Variants in NUGGC observed in about 807,000 individuals in gnomAD.
NUGGC encodes the protein nuclear GTPase SLIP-GC.
NUGGC carries 58 observed loss-of-function variants against 92.6 expected under a neutral mutation model. The ratio of observed to expected loss-of-function variants is 0.63; its 90% confidence interval spans 0.51 to 0.78. The LOEUF (loss-of-function observed/expected upper bound fraction) is 0.78, where lower values mean the gene tolerates loss of function less well. Ranked by LOEUF, NUGGC falls within the 30% of genes least tolerant of loss-of-function variation. The pLI is 0.00. For synonymous variants in NUGGC, 376 were observed against 366.4 expected (o/e 1.03, Z -0.30); for missense variants, 925 against 964.6 (o/e 0.96, Z 0.54).
At chr8:28,025,689 A>G (rs573813564) in intron 18 of NUGGC, among the ~76,000 whole-genome samples, 1 of 152,308 alleles carries the variant, frequency 6.6e-6, no homozygotes, top group Non-Finnish European at 1.5e-5. Context: ...GGTCATAAAG[A>G]TTCCCAGAGA....
chr8:28,023,171 G>A lies in NUGGC; in HGVS notation c.*146C>T, dbSNP rs184541812. The A allele has an allele frequency of 4.3e-5, 36 of 836,932 alleles. No individual in the cohort carries two copies. In the Admixed American group the frequency reaches 5.4e-4, roughly 13 times the overall value. The allele number at this position is 836,932 out of a possible 1,614,324, so 51.8% of individuals were successfully genotyped here. A position where few individuals can be genotyped will look rare whatever the true frequency, so the allele number is the denominator to read the frequency against. ...GAGGATCGCTTGAGCCTAGGAGTTC[G>A]AGGCTGCAGTGAGCTGTGATGGTGC... On this transcript the variant is annotated 3_prime_UTR_variant, in exon 19 of 19. Transcript: ENST00000413272.
intron 10 of NUGGC, among the ~76,000 whole-genome samples, chr8:28,053,792 C>T (rs1031594020): frequency 3.9e-5 from 6 of 152,182 alleles, no homozygotes; most frequent in African/African-American, 1.4e-4. Context: ...TCATACAATG[C>T]ATATTTATTT....
intron 18 of NUGGC, among the ~76,000 whole-genome samples, chr8:28,024,611 G>C (rs1390243987): frequency 6.6e-6 from 1 of 152,210 alleles, no homozygotes; most frequent in Non-Finnish European, 1.5e-5. Flanking sequence ...TTCAGACTGA[G>C]CCCTGAATGC....
chr8:28,079,997 T>C (rs1305705018), intron 1 of NUGGC, among the ~76,000 whole-genome samples: 1 of 152,180 alleles, frequency 6.6e-6, no homozygotes, highest in African/African-American at 2.4e-5. Context: ...TGGAGTGCAG[T>C]GGCACATGAT....
intron 7 of NUGGC, among the ~76,000 whole-genome samples, chr8:28,061,679 T>C (rs112852897): frequency 3.2e-4 from 48 of 152,328 alleles, no homozygotes; most frequent in African/African-American, 1.2e-3. Flanking sequence ...CTAATGATGG[T>C]TATGATTCCA....
rs200589338 is a variant in NUGGC, at chr8:28,047,508, C to T, written c.1311G>A (p.Thr437=). Residue 437 remains threonine, a splice_region_variant and synonymous_variant, in exon 11 of 19, where the codon ACG becomes ACA. Coordinates refer to ENST00000413272, the MANE Select transcript of NUGGC (RefSeq NM_001010906.2). ...WQQALLTEEE[T]EIPKLREYIR... The stretch of plus-strand genomic sequence containing the variant: ...GGAGATTTAAAAAACATAAATTACC[C>T]GTTTCCTCCTCGGTGAGGAGAGCCT... 3.3e-6 allele frequency: 5 copies of T among 1,529,110 alleles called. No homozygotes were observed. The highest frequency in any genetic ancestry group is 2.7e-5 in the African/African-American group (2 of 72,770). The allele number at this position is 1,529,110 out of a possible 1,614,324, so 94.7% of individuals were successfully genotyped here.
intron 1 of NUGGC, among the ~76,000 whole-genome samples, chr8:28,080,226 G>A (rs539466379): frequency 6.6e-6 from 1 of 152,182 alleles, no homozygotes; most frequent in South Asian, 2.1e-4. Flanking sequence ...ACAGGCATGA[G>A]CCACCATGCC....
At position 28,059,002 on chromosome 8, in the gene NUGGC, C is replaced by T. The variant is rs559438463; in HGVS notation, c.1098-726G>A. Reference sequence around the variant, plus strand: ...TACAGGTGTGAGCCACCACACTCAGCCTAATTGTGTTAATTTTAGTGTTGG... The same window carrying T: ...TACAGGTGTGAGCCACCACACTCAGTCTAATTGTGTTAATTTTAGTGTTGG... On this transcript the variant is annotated intron_variant, in intron 8 of 18. Coordinates refer to ENST00000413272, the MANE Select transcript of NUGGC (RefSeq NM_001010906.2). 5.9e-5 allele frequency among the ~76,000 whole-genome samples: 9 copies of T among 152,144 alleles called. No individual in the cohort carries two copies. The East Asian group carries it at 7.7e-4, about 13-fold the overall frequency.
At chr8:28,028,731 G>T (rs1191618489) in intron 17 of NUGGC, among the ~76,000 whole-genome samples, 1 of 152,248 alleles carries the variant, frequency 6.6e-6, no homozygotes, top group Non-Finnish European at 1.5e-5. Context: ...TTCGGGGGTA[G>T]ATAAAATTAA....
At position 28,060,552 on chromosome 8, in the gene NUGGC, AC is replaced by A; in HGVS notation, c.970del (p.Val324PhefsTer11). On this transcript the variant is annotated frameshift_variant, in exon 8 of 19. Transcript: ENST00000413272. LOFTEE classifies it high-confidence loss of function. ...VIWVISDIER[V>X]SGGQAHEDLL... is the part of the protein sequence containing the mutation. ...GTCTTCGTGGGCTTGCCCCCCAGAA[AC>A]TCGCTCTATGTCGCTGATCACCCAG... The A allele has an allele frequency of 2.5e-6, 4 of 1,613,392 alleles. No homozygotes were observed. The highest frequency in any genetic ancestry group is 3.4e-6 in the Non-Finnish European group (4 of 1,179,734).
In NUGGC at chr8:28,060,511, T is replaced by G; in HGVS notation, c.1012A>C (p.Ile338Leu). 6.2e-7 allele frequency: 1 copy of G among 1,613,922 alleles called. No individual in the cohort carries two copies. The highest frequency in any genetic ancestry group is 1.1e-5 in the South Asian group (1 of 91,062). ...CAGAAGCCCCGCTGGCAGGCTTTGA[T>G]GCTCTCATTCAGAAGGTCTTCGTGG... is the stretch of plus-strand genomic sequence containing the variant. ...QAHEDLLNES[I>L]KACQRGFCRD... The change falls in exon 8 of 19, where the codon ATC becomes CTC. Residue 338 changes from isoleucine (I) to leucine (L), a missense_variant. Transcript: ENST00000413272.
In NUGGC at chr8:28,031,258, A is replaced by G. The variant is rs1554484396; in HGVS notation, c.1893T>C (p.Asn631=). The G allele has an allele frequency of 6.2e-7, 1 of 1,613,504 alleles. No homozygotes were observed. The highest frequency in any genetic ancestry group is 8.5e-7 in the Non-Finnish European group (1 of 1,179,548). ...AGGAACGTACCTCCTGGATCAGGAA[A>G]TTTTTTTTGCAGCTATCATATTTCC... ...SGWKYDSCKK[N]FLIQEISAIL... Residue 631 remains asparagine (N), a synonymous_variant, in exon 15 of 19, where the codon AAT becomes AAC. Coordinates refer to ENST00000413272, the MANE Select transcript of NUGGC (RefSeq NM_001010906.2).
intron 7 of NUGGC, among the ~76,000 whole-genome samples, chr8:28,062,924 A>G (rs1255288468): frequency 6.6e-6 from 1 of 152,196 alleles, no homozygotes; most frequent in Non-Finnish European, 1.5e-5. Context: ...GCATTTCGAT[A>G]AAACCTGAAC....
Position 28,070,145 on chromosome 8 carries a change from T to C in NUGGC, c.148+107A>G, listed in dbSNP as rs1035377006. ...CCCTCTCTTTCCAAAACAGGTTTATTTGATGTTTCATCCAGCTTCAGAATT... is the reference window on the plus strand; with the variant it reads ...CCCTCTCTTTCCAAAACAGGTTTATCTGATGTTTCATCCAGCTTCAGAATT... On this transcript the variant is annotated intron_variant, in intron 3 of 18. Transcript: ENST00000413272. 39 of 1,462,836 alleles carry C rather than the reference T, an allele frequency of 2.7e-5. 2 individuals carry two copies. The African/African-American group carries it at 4.6e-4, about 17-fold the overall frequency. The allele number at this position is 1,462,836 out of a possible 1,614,324, so 90.6% of individuals were successfully genotyped here.
intron 18 of NUGGC, among the ~76,000 whole-genome samples, chr8:28,025,535 G>A: frequency 6.6e-6 from 1 of 152,182 alleles, no homozygotes; most frequent in East Asian, 1.9e-4. Flanking sequence ...ACATTGGAAT[G>A]ACTATCATCT....
At chr8:28,045,791 C>A in intron 11 of NUGGC, 131 bp from the exon 12 acceptor site, 1 of 882,754 alleles carries the variant, frequency 1.1e-6, no homozygotes, top group Non-Finnish European at 1.7e-6. Context: ...GGCTGGATGC[C>A]TACAGAACCA....
intron 12 of NUGGC, among the ~76,000 whole-genome samples, chr8:28,044,501 G>A (rs897856723): frequency 3.9e-5 from 6 of 152,188 alleles, no homozygotes; most frequent in Admixed American, 2.6e-4. Flanking sequence ...CACTAAAGAC[G>A]GGCTAGCTAA....
chr8:28,058,157 A>G, intron 9 of NUGGC, 101 bp downstream of exon 9: 1 of 207,820 alleles, frequency 4.8e-6, no homozygotes, highest in Non-Finnish European at 1.0e-5. Flanking sequence ...GCGCCAATGC[A>G]CTCCAGCCTG....
At chr8:28,029,135 G>A (rs1585552038) in intron 17 of NUGGC, 131 bp downstream of exon 17, 3 of 874,762 alleles carry the variant, frequency 3.4e-6, no homozygotes, top group Non-Finnish European at 3.5e-6. Context: ...CAGCTCTCAA[G>A]TCGAAGCCCC....
Sources: allele counts gnomAD v4.1 joint callset (sites outside exome capture counted in the v4.1 genomes callset), GRCh38; gene constraint gnomAD v4.1.1; transcripts MANE v1.5; gene names NCBI Gene and HGNC (gene_info 2026-07-23, HGNC 2026-07-21).